The following NAA25 variants were observed in gnomAD, a reference collection of about 807,000 sequenced individuals.
NAA25 encodes N-terminal acetyltransferase B complex subunit NAA25.
In NAA25, 30 loss-of-function variants were observed where a neutral mutation model predicts 132.5. The observed-to-expected ratio is 0.23, with a 90% CI of 0.17 to 0.31. NAA25 has a LOEUF of 0.31. NAA25 is among the 10% of genes least tolerant of loss of function. The pLI is 1.00. For synonymous variants in NAA25, 359 were observed against 401.9 expected (o/e 0.89, Z 1.28); for missense variants, 771 against 1,150.4 (o/e 0.67, Z 4.77).
Position 112,027,952 on chromosome 12 carries a change from T to C in NAA25, c.*1579A>G. The C allele has an allele frequency of 6.6e-6, 1 of 152,366 alleles. No homozygotes were observed. The highest frequency in any genetic ancestry group is 6.5e-5 in the Admixed American group (1 of 15,312). The allele number at this position is 152,366 out of a possible 1,614,324, so 9.4% of individuals were successfully genotyped here. A position where few individuals can be genotyped will look rare whatever the true frequency, so the allele number is the denominator to read the frequency against. ...TCAAAAATAAATTTTTGAAATTAGTTGATGGACTAGGATTTCCAACAAGCC... is the reference window on the plus strand; with the variant it reads ...TCAAAAATAAATTTTTGAAATTAGTCGATGGACTAGGATTTCCAACAAGCC... On this transcript the variant is annotated 3_prime_UTR_variant, in exon 24 of 24. Coordinates refer to ENST00000261745, the MANE Select transcript of NAA25 (RefSeq NM_024953.4).
chr12:112,051,249 C>T (rs1174704479), intron 15 of NAA25, among the ~76,000 whole-genome samples: 2 of 152,042 alleles, frequency 1.3e-5, no homozygotes, highest in African/African-American at 4.8e-5. Context: ...GAGTCTCTCT[C>T]GTCACCCAGG....
At chr12:112,042,696 G>A (rs1446014507) in intron 19 of NAA25, among the ~76,000 whole-genome samples, 3 of 152,048 alleles carry the variant, frequency 2.0e-5, no homozygotes, top group Non-Finnish European at 4.4e-5. Context: ...TAGTAGACAC[G>A]GGCTTTTGCC....
At chr12:112,058,542 C>G (rs1463335479) in intron 13 of NAA25, among the ~76,000 whole-genome samples, 1 of 152,150 alleles carries the variant, frequency 6.6e-6, no homozygotes, top group African/African-American at 2.4e-5. Flanking sequence ...GTCACCCAGG[C>G]TGGAGTGTAA....
intron 17 of NAA25, among the ~76,000 whole-genome samples, chr12:112,047,125 T>A (rs1158564827): frequency 6.6e-6 from 1 of 152,148 alleles, no homozygotes; most frequent in Non-Finnish European, 1.5e-5. Flanking sequence ...TATACTTTCT[T>A]CATTTGGCTT....
intron 1 of NAA25, among the ~76,000 whole-genome samples, chr12:112,098,871 T>C (rs1234547924): frequency 6.6e-6 from 1 of 152,178 alleles, no homozygotes; most frequent in African/African-American, 2.4e-5. Context: ...GGGATTGTGC[T>C]AAGATTACAG....
intron 1 of NAA25, among the ~76,000 whole-genome samples, chr12:112,101,716 C>A (rs571579392): frequency 2.8e-4 from 42 of 151,680 alleles, no homozygotes; most frequent in South Asian, 1.3e-3. Flanking sequence ...GAGATCACGC[C>A]ATTGCACTCC....
chr12:112,037,640 G>A (rs1486938248), intron 22 of NAA25: 2 of 133,802 alleles, frequency 1.5e-5, no homozygotes, highest in African/African-American at 2.7e-5. Flanking sequence ...CACCAATAAT[G>A]GGACACAACA....
intron 10 of NAA25, chr12:112,069,227 C>G: frequency 2.4e-6 from 1 of 409,826 alleles, no homozygotes; most frequent in Non-Finnish European, 4.4e-6. Context: ...AAAAAATAGG[C>G]TGGATGCAGT....
In NAA25 at chr12:112,061,446, C is replaced by G; in HGVS notation, c.1150-58G>C. 7.5e-6 allele frequency: 9 copies of G among 1,205,124 alleles called. No individual in the cohort carries two copies. The South Asian group carries it at 1.1e-4, about 15-fold the overall frequency. The allele number at this position is 1,205,124 out of a possible 1,614,324, so 74.7% of individuals were successfully genotyped here. ...CAAAACACAACTAGTCTTCAGTAGG[C>G]CATAATTAACAGAAATTGAATGGTC... is the stretch of plus-strand genomic sequence containing the variant. On this transcript the variant is annotated intron_variant, in intron 11 of 23. Coordinates refer to ENST00000261745, the MANE Select transcript of NAA25 (RefSeq NM_024953.4).
chr12:112,042,183 G>T, intron 19 of NAA25, 79 bp from the exon 20 acceptor site: 1 of 620,320 alleles, frequency 1.6e-6, no homozygotes, highest in Non-Finnish European at 2.5e-6. Flanking sequence ...ATACCTGCAA[G>T]AAGTTCATGG....
intron 1 of NAA25, among the ~76,000 whole-genome samples, chr12:112,101,347 T>C (rs1429829941): frequency 6.6e-6 from 1 of 152,166 alleles, no homozygotes; most frequent in Non-Finnish European, 1.5e-5. Flanking sequence ...CCTGCATCTA[T>C]ATTGTGCCTA....
In NAA25 at chr12:112,027,198, AAAC is replaced by A. The variant is rs1200693172; in HGVS notation, c.*2330_*2332del. ...CCACACAAAAACAAACAAAACAAAA[AAAC>A]CCATACAAATCAAAAACAGCAGCAG... is the stretch of plus-strand genomic sequence containing the variant. On this transcript the variant is annotated 3_prime_UTR_variant, in exon 24 of 24. Coordinates refer to ENST00000261745, the MANE Select transcript of NAA25 (RefSeq NM_024953.4). 6.6e-6 allele frequency: 1 copy of A among 152,520 alleles called. No individual in the cohort carries two copies. The highest frequency in any genetic ancestry group is 1.9e-4 in the East Asian group (1 of 5,202). 9.4% of individuals were successfully genotyped at this position (152,520 alleles called of 1,614,324 possible). A position where few individuals can be genotyped will look rare whatever the true frequency, so the allele number is the denominator to read the frequency against.
chr12:112,063,292 A>T (rs998511066), intron 11 of NAA25, among the ~76,000 whole-genome samples: 4 of 152,168 alleles, frequency 2.6e-5, no homozygotes, highest in Non-Finnish European at 5.9e-5. Context: ...CCTAAAGGCT[A>T]AAGTGCTGAT....
chr12:112,072,942 A>T (rs1011496742), intron 9 of NAA25, among the ~76,000 whole-genome samples: 6 of 152,008 alleles, frequency 3.9e-5, no homozygotes, highest in Non-Finnish European at 7.4e-5. Context: ...CCATCTCAAA[A>T]AGAAAAAAAG....
At chr12:112,040,969 A>G (rs1255795443) in intron 20 of NAA25, among the ~76,000 whole-genome samples, 1 of 152,074 alleles carries the variant, frequency 6.6e-6, no homozygotes, top group Non-Finnish European at 1.5e-5. Context: ...CAGATAATAA[A>G]TTTTATTATC....
At chr12:112,058,031 C>G (rs2078573591) in intron 13 of NAA25, among the ~76,000 whole-genome samples, 1 of 152,150 alleles carries the variant, frequency 6.6e-6, no homozygotes. Context: ...CCTGTAATCA[C>G]AGCTACTCGG....
chr12:112,052,190 T>C (rs1353867683), intron 15 of NAA25, among the ~76,000 whole-genome samples: 2 of 152,124 alleles, frequency 1.3e-5, no homozygotes, highest in African/African-American at 2.4e-5. Context: ...GGAGGGCAAG[T>C]ACAGATACTT....
chr12:112,043,125 A>G lies in NAA25; in HGVS notation c.2337T>C (p.Leu779=). Residue 779 remains leucine (L), a synonymous_variant, in exon 19 of 24, where the codon CTT becomes CTC. Coordinates refer to ENST00000261745, the MANE Select transcript of NAA25 (RefSeq NM_024953.4). Reference sequence around the variant, plus strand: ...TATCCAGCTCATAAATATCATTGACAAGATAAAAAGAGCTTATCTGGCACT... The same window carrying G: ...TATCCAGCTCATAAATATCATTGACGAGATAAAAAGAGCTTATCTGGCACT... The part of the protein sequence containing the change: ...CSQCQISSFY[L]VNDIYELDTS... The G allele has an allele frequency of 6.2e-7, 1 of 1,613,382 alleles. No homozygotes were observed. The highest frequency in any genetic ancestry group is 1.1e-5 in the South Asian group (1 of 91,010).
chr12:112,050,812 A>G (rs2078455070), intron 15 of NAA25, among the ~76,000 whole-genome samples: 1 of 152,244 alleles, frequency 6.6e-6, no homozygotes, highest in South Asian at 2.1e-4. Context: ...AAGTAAGATG[A>G]CAACAGAAAA....
Sources: allele counts gnomAD v4.1 joint callset (sites outside exome capture counted in the v4.1 genomes callset), GRCh38; gene constraint gnomAD v4.1.1; transcripts MANE v1.5; gene names NCBI Gene and HGNC (gene_info 2026-07-23, HGNC 2026-07-21).